The following CAMK2B variants were observed in gnomAD, a reference collection of about 807,000 sequenced individuals.
The protein encoded by CAMK2B is calcium/calmodulin dependent protein kinase II beta, also known as calcium/calmodulin-dependent protein kinase type II subunit beta.
A neutral mutation model predicts 93.7 loss-of-function variants in CAMK2B; 27 were observed. The ratio of observed to expected loss-of-function variants is 0.29; its 90% CI spans 0.21 to 0.40. The LOEUF (loss-of-function observed/expected upper bound fraction) is 0.40, where lower values mean the gene tolerates loss of function less well. CAMK2B is among the 10% of genes least tolerant of loss of function. CAMK2B has a pLI of 1.00. For synonymous variants in CAMK2B, 374 were observed against 358.8 expected, an observed-to-expected ratio of 1.04 and a Z score of -0.48; for missense variants, 568 against 895.8, an observed-to-expected ratio of 0.63 and a Z score of 4.67.
chr7:44,307,407 G>C (rs1246387494), intron 1 of CAMK2B, among the ~76,000 whole-genome samples: 1 of 141,138 alleles, frequency 7.1e-6, no homozygotes, highest in Non-Finnish European at 1.6e-5. Context: ...GGGGTAAGCA[G>C]AAGGAGGAGG....
At chr7:44,245,127 T>C (rs2096718046) in intron 6 of CAMK2B, 7 of 369,084 alleles carry the variant, frequency 1.9e-5, no homozygotes, top group South Asian at 1.4e-4. Flanking sequence ...CAGCAGTTCT[T>C]CCGAAGAGAA....
intron 15 of CAMK2B, 145 bp from the exon 16 acceptor site, chr7:44,233,011 G>T: frequency 1.4e-6 from 1 of 726,480 alleles, no homozygotes; most frequent in Non-Finnish European, 2.4e-6. Context: ...CAGAGTGGGG[G>T]ACAGGGATGG....
intron 5 of CAMK2B, 134 bp from the exon 6 acceptor site, chr7:44,247,326 G>A (rs2096741377): frequency 2.7e-6 from 2 of 752,068 alleles, no homozygotes; most frequent in South Asian, 1.5e-5. Context: ...GAGAGGAGAT[G>A]CTGGCCAGGA....
chr7:44,263,660 G>A (rs2096899970), intron 2 of CAMK2B, among the ~76,000 whole-genome samples: 1 of 152,168 alleles, frequency 6.6e-6, no homozygotes, highest in South Asian at 2.1e-4. Context: ...GGTGACTGGT[G>A]CCCCTTGGGT....
intron 1 of CAMK2B, among the ~76,000 whole-genome samples, chr7:44,290,873 T>C (rs906776880): frequency 4.6e-5 from 7 of 152,220 alleles, no homozygotes; most frequent in African/African-American, 1.7e-4. Context: ...TGTATGTTTG[T>C]ATTATTGTTA....
At chr7:44,309,535 C>T (rs1220206021) in intron 1 of CAMK2B, among the ~76,000 whole-genome samples, 1 of 152,190 alleles carries the variant, frequency 6.6e-6, no homozygotes, top group African/African-American at 2.4e-5. Flanking sequence ...AAGCACAGGG[C>T]ATGGGGAGGG....
chr7:44,298,443 A>G (rs542669246), intron 1 of CAMK2B, among the ~76,000 whole-genome samples: 22 of 152,370 alleles, frequency 1.4e-4, no homozygotes, highest in Admixed American at 2.6e-4. Flanking sequence ...CACTTAGAAG[A>G]AAACATAGGT....
chr7:44,319,336 A>G (rs28378058), intron 1 of CAMK2B, among the ~76,000 whole-genome samples: 30,536 of 152,238 alleles, frequency 0.2, 3,937 homozygotes, highest in South Asian at 0.29. Flanking sequence ...GGTCTCTTCT[A>G]GTAAATTACT....
chr7:44,246,109 G>A (rs2096727093), intron 6 of CAMK2B, among the ~76,000 whole-genome samples: 1 of 152,132 alleles, frequency 6.6e-6, no homozygotes. Flanking sequence ...CTGAGCTGGG[G>A]GCAGCAGAGA....
At chr7:44,258,805 C>T in intron 4 of CAMK2B, 67 bp downstream of exon 4, 3 of 1,441,722 alleles carry the variant, frequency 2.1e-6, no homozygotes, top group East Asian at 2.4e-5. Context: ...GCTGGGGAGG[C>T]TGCAGATCCC....
In CAMK2B at chr7:44,263,510, G is replaced by A. The variant is rs542138996; in HGVS notation, c.161-446C>T. Among the ~76,000 whole-genome samples the A allele has an allele frequency of 3.3e-5, 5 of 152,298 alleles. No homozygotes were observed. In the South Asian group the frequency reaches 8.3e-4, roughly 25 times the overall value. On this transcript the variant is annotated intron_variant, in intron 2 of 23. Coordinates refer to ENST00000395749, the MANE Select transcript of CAMK2B (RefSeq NM_001220.5). ...CAGAGCCCGGCTGGCAGGAGGAGGA[G>A]GGGAAAGCCTCAGAGAGGCCTCGCC...
chr7:44,229,431 C>G lies in CAMK2B; in HGVS notation c.1296G>C (p.Leu432=). ...TAAAGGGAGCCGGAGATGGGCAGGG[C>G]AGGGGCCCCTCGGCTTCTGGGGCTC... The part of the protein sequence containing the change: ...GSGAPEAEGP[L]PCPSPAPFSP... Residue 432 remains leucine, a synonymous_variant, in exon 18 of 24, where the codon CTG becomes CTC. Transcript: ENST00000395749. The G allele has an allele frequency of 6.7e-7, 1 of 1,495,898 alleles. No individual in the cohort carries two copies. Among genetic ancestry groups the G allele is most frequent in the Non-Finnish European group, 8.9e-7 (1 of 1,123,442 alleles). The allele number at this position is 1,495,898 out of a possible 1,614,324, so 92.7% of individuals were successfully genotyped here. A position where few individuals can be genotyped will look rare whatever the true frequency, so the allele number is the denominator to read the frequency against.
intron 20 of CAMK2B, 68 bp from the exon 21 acceptor site, chr7:44,220,969 C>T (rs980472150): frequency 2.3e-5 from 31 of 1,359,748 alleles, no homozygotes; most frequent in Non-Finnish European, 3.0e-5. Flanking sequence ...TCCACACAGC[C>T]CAGGGGAGGG....
intron 1 of CAMK2B, among the ~76,000 whole-genome samples, chr7:44,289,424 C>T (rs1786110445): frequency 6.6e-6 from 1 of 152,242 alleles, no homozygotes. Context: ...AGGGCCCTCT[C>T]ATGCCTCACC....
In CAMK2B at chr7:44,269,752, C is replaced by G. The variant is rs540468508; in HGVS notation, c.161-6688G>C. Among the ~76,000 whole-genome samples, 19 of 152,212 alleles carry G rather than the reference C, an allele frequency of 1.2e-4. No individual in the cohort carries two copies. The East Asian group carries it at 3.3e-3, about 26-fold the overall frequency. ...CCTGTGTCAGGAGGGGCTGCCTCCC[C>G]CTCTCGCCCAAGGGCCTCTGGAGTT... On this transcript the variant is annotated intron_variant, in intron 2 of 23. Coordinates refer to ENST00000395749, the MANE Select transcript of CAMK2B (RefSeq NM_001220.5).
intron 2 of CAMK2B, among the ~76,000 whole-genome samples, chr7:44,274,376 C>G (rs1243083406): frequency 1.3e-5 from 2 of 152,230 alleles, no homozygotes; most frequent in Non-Finnish European, 2.9e-5. Flanking sequence ...GCTGTTCCCC[C>G]TCGAGCTTTG....
At chr7:44,221,572 T>C (rs1252262379) in intron 20 of CAMK2B, among the ~76,000 whole-genome samples, 1 of 152,242 alleles carries the variant, frequency 6.6e-6, no homozygotes, top group African/African-American at 2.4e-5. Context: ...GCGTGGTCTC[T>C]TGTTCCCCGC....
Position 44,243,353 on chromosome 7 carries a change from C to A in CAMK2B, c.518-20G>T, listed in dbSNP as rs1484442986. On this transcript the variant is annotated intron_variant, in intron 7 of 23. Transcript: ENST00000395749. ...CGAAACCTAGAGAGAGGGGAAGAGGCCACAAGGGGCTGTCAGCATCACCTC... is the reference window on the plus strand; with the variant it reads ...CGAAACCTAGAGAGAGGGGAAGAGGACACAAGGGGCTGTCAGCATCACCTC... 12 of 1,612,672 alleles carry A rather than the reference C, an allele frequency of 7.4e-6. No homozygotes were observed. Among genetic ancestry groups the A allele is most frequent in the Non-Finnish European group, 1.0e-5 (12 of 1,178,766 alleles).
chr7:44,321,886 C>A (rs1796164074), intron 1 of CAMK2B, among the ~76,000 whole-genome samples: 1 of 152,208 alleles, frequency 6.6e-6, no homozygotes, highest in Non-Finnish European at 1.5e-5. Context: ...AAGGGGCGGC[C>A]CCAACGCTGC....
Sources: allele counts gnomAD v4.1 joint callset (sites outside exome capture counted in the v4.1 genomes callset), GRCh38; gene constraint gnomAD v4.1.1; transcripts MANE v1.5; gene names NCBI Gene and HGNC (gene_info 2026-07-23, HGNC 2026-07-21).